ANK3: variants seen among roughly 807,000 people sequenced by gnomAD.
ANK3 encodes the protein ankyrin-3.
ANK3 carries 57 observed loss-of-function variants against 370.9 expected under a neutral mutation model. That is an observed-to-expected ratio of 0.15 (90% CI 0.12 to 0.19). ANK3 has a LOEUF of 0.19. Ranked by LOEUF, ANK3 falls within the 10% of genes least tolerant of loss-of-function variation. The pLI is 1.00. For synonymous variants in ANK3, 1,929 were observed against 1,946.3 expected, an observed-to-expected ratio of 0.99 and a Z score of 0.23; for missense variants, 4,439 against 5,302.1, an observed-to-expected ratio of 0.84 and a Z score of 5.06.
intron 1 of ANK3, among the ~76,000 whole-genome samples, chr10:60,707,758 T>G (rs2079640671): frequency 6.6e-6 from 1 of 152,126 alleles, no homozygotes; most frequent in Non-Finnish European, 1.5e-5. Flanking sequence ...GGTGTTTTCT[T>G]TCCTAAACAA....
In ANK3 at chr10:60,074,763, C is replaced by T; in HGVS notation, c.6118G>A (p.Asp2040Asn). The change falls in exon 37 of 44, where the codon GAT becomes AAT. Residue 2040 changes from aspartate (D) to asparagine (N), a missense_variant. By Grantham distance (23) the Asp-to-Asn change is conservative (BLOSUM62 1). Transcript: ENST00000280772. Reference protein sequence around the residue: ...LTKVIDYLTNDIGSSSLTNLK... With the variant: ...LTKVIDYLTNNIGSSSLTNLK... ...TTTGTCAGTGAACTACTCCCAATAT[C>T]ATTTGTTAGGTAATCAATAACTTTG... The T allele has an allele frequency of 6.2e-7, 1 of 1,614,082 alleles. No individual in the cohort carries two copies. The highest frequency in any genetic ancestry group is 1.1e-5 in the South Asian group (1 of 91,038).
At chr10:60,654,663 A>C (rs1261676688) in intron 1 of ANK3, among the ~76,000 whole-genome samples, 1 of 152,184 alleles carries the variant, frequency 6.6e-6, no homozygotes, top group Non-Finnish European at 1.5e-5. Context: ...TTATCCTTTA[A>C]AAAATATATT....
chr10:60,175,740 G>T (rs1479732766), intron 18 of ANK3, among the ~76,000 whole-genome samples: 1 of 152,218 alleles, frequency 6.6e-6, no homozygotes, highest in Non-Finnish European at 1.5e-5. Flanking sequence ...GGGCTCAGCA[G>T]CCAGGAGCCC....
At position 60,663,558 on chromosome 10, in the gene ANK3, A is replaced by G. The variant is rs531498372; in HGVS notation, c.58-48334T>C. Among the ~76,000 whole-genome samples, 45 of 152,338 alleles carry G rather than the reference A, an allele frequency of 3.0e-4. No homozygotes were observed. The South Asian group carries it at 9.1e-3, about 31-fold the overall frequency. The stretch of plus-strand genomic sequence containing the variant: ...GGGAAGCCCCAGGGTCTCAACCCTT[A>G]GACTCCATTCCTGTGACTTCAGTCA... On this transcript the variant is annotated intron_variant, in intron 1 of 43. Transcript: ENST00000373827.
intron 2 of ANK3, among the ~76,000 whole-genome samples, chr10:60,442,681 C>T (rs2064329932): frequency 6.6e-6 from 1 of 152,100 alleles, no homozygotes; most frequent in African/African-American, 2.4e-5. Flanking sequence ...AAACTGAAAA[C>T]TCTTTCATGA....
At chr10:60,392,178 C>T (rs80244079), upstream of ANK3, among the ~76,000 whole-genome samples, 1 of 152,138 alleles carries the variant, frequency 6.6e-6, no homozygotes, top group Non-Finnish European at 1.5e-5. Context: ...GGCATTGACT[C>T]AAGATAGCCA....
intron 28 of ANK3, among the ~76,000 whole-genome samples, chr10:60,090,065 G>A (rs780721235): frequency 6.6e-6 from 1 of 152,144 alleles, no homozygotes; most frequent in Non-Finnish European, 1.5e-5. Flanking sequence ...GCTCACACCT[G>A]TAATCCCAGC....
chr10:60,144,678 G>A (rs368967092), intron 23 of ANK3, among the ~76,000 whole-genome samples: 9 of 152,126 alleles, frequency 5.9e-5, no homozygotes, highest in East Asian at 5.8e-4. Context: ...TGTCAACTTC[G>A]TCTGCCAGGA....
At chr10:60,120,201 G>A (rs960760310) in intron 25 of ANK3, among the ~76,000 whole-genome samples, 2 of 152,098 alleles carry the variant, frequency 1.3e-5, no homozygotes, top group South Asian at 2.1e-4. Flanking sequence ...TGCTAAGAAC[G>A]TACATTGGAG....
chr10:60,060,731 A>G (rs7907721), intron 40 of ANK3: 105,868 of 152,092 alleles, frequency 0.7, 37,134 homozygotes, highest in East Asian at 0.92. Context: ...AGGGTTGTGG[A>G]GTACATGAAG....
chr10:60,330,811 G>A (rs2051059301), intron 1 of ANK3, among the ~76,000 whole-genome samples: 2 of 152,130 alleles, frequency 1.3e-5, no homozygotes, highest in African/African-American at 4.8e-5. Context: ...AAAGACACAT[G>A]CATATGTATG....
intron 2 of ANK3, among the ~76,000 whole-genome samples, chr10:60,504,948 T>G (rs528362974): frequency 1.3e-4 from 20 of 152,244 alleles, no homozygotes; most frequent in African/African-American, 4.8e-4. Flanking sequence ...AAACTAGGGA[T>G]TAGAGCATAT....
chr10:60,218,072 C>A lies in ANK3; in HGVS notation c.898-4562G>T, dbSNP rs574946256. Among the ~76,000 whole-genome samples the A allele has an allele frequency of 3.3e-5, 5 of 150,788 alleles. No individual in the cohort carries two copies. In the East Asian group the frequency reaches 9.7e-4, roughly 29 times the overall value. On this transcript the variant is annotated intron_variant, in intron 8 of 43. Coordinates refer to ENST00000280772, the MANE Select transcript of ANK3 (RefSeq NM_020987.5). ...TCTGTTTTGTCAGAGACTAGGATTGCAACCCCTGCTTTTTCTTTTTCTTTC... is the reference window on the plus strand; with the variant it reads ...TCTGTTTTGTCAGAGACTAGGATTGAAACCCCTGCTTTTTCTTTTTCTTTC...
intron 2 of ANK3, among the ~76,000 whole-genome samples, chr10:60,548,013 A>G (rs2077006974): frequency 6.6e-6 from 1 of 152,180 alleles, no homozygotes; most frequent in Non-Finnish European, 1.5e-5. Flanking sequence ...CTGAAACAGC[A>G]TAATAAGCAC....
chr10:60,116,407 T>G (rs544402629), intron 25 of ANK3, among the ~76,000 whole-genome samples: 5 of 152,082 alleles, frequency 3.3e-5, no homozygotes, highest in African/African-American at 1.2e-4. Flanking sequence ...TATTAATGAG[T>G]AGACAGCTGA....
chr10:60,608,925 C>G (rs1567177565), intron 2 of ANK3, among the ~76,000 whole-genome samples: 2 of 152,142 alleles, frequency 1.3e-5, no homozygotes, highest in Non-Finnish European at 2.9e-5. Flanking sequence ...AGCTCCATCA[C>G]CAAGTTCTTG....
At chr10:60,584,548 T>A (rs1044805254) in intron 2 of ANK3, among the ~76,000 whole-genome samples, 1 of 152,132 alleles carries the variant, frequency 6.6e-6, no homozygotes, top group African/African-American at 2.4e-5. Flanking sequence ...AGCCAGGAGT[T>A]TGAGGCTGCA....
At chr10:60,369,385 G>C (rs141926329) in intron 1 of ANK3, among the ~76,000 whole-genome samples, 5 of 152,216 alleles carry the variant, frequency 3.3e-5, no homozygotes, top group East Asian at 3.9e-4. Flanking sequence ...TCAAGCTAAC[G>C]TTCTGGGCTA....
intron 21 of ANK3, among the ~76,000 whole-genome samples, chr10:60,168,553 T>C (rs1034363571): frequency 6.6e-6 from 1 of 152,118 alleles, no homozygotes. Context: ...TTAAAAAAAT[T>C]AATTTAAGTT....
Sources: gnomAD v4.1 joint callset for allele counts (sites outside exome capture counted in the v4.1 genomes callset) on GRCh38, gnomAD v4.1.1 for gene constraint, MANE v1.5 for transcripts, NCBI Gene and HGNC (gene_info 2026-07-23, HGNC 2026-07-21) for gene names.